Variants in RSPO2 observed in about 807,000 individuals in gnomAD.
RSPO2 encodes the protein R-spondin-2.
A neutral mutation model predicts 30.9 loss-of-function variants in RSPO2; 14 were observed. The ratio of observed to expected loss-of-function variants is 0.45; its 90% confidence interval spans 0.30 to 0.71. The LOEUF (loss-of-function observed/expected upper bound fraction) is 0.71, where lower values mean the gene tolerates loss of function less well. Among genes scored for constraint, RSPO2 ranks in the 30% least tolerant of loss-of-function variants. The pLI, the probability that RSPO2 is intolerant of heterozygous loss-of-function variation, is 0.08. For missense variants in RSPO2, 264 were observed against 301.9 expected (o/e 0.87, Z 0.93); for synonymous variants, 107 against 96.4 (o/e 1.11, Z -0.64).
At chr8:107,956,258 T>C (rs1417793845) in intron 5 of RSPO2, among the ~76,000 whole-genome samples, 1 of 152,190 alleles carries the variant, frequency 6.6e-6, no homozygotes, top group African/African-American at 2.4e-5. Context: ...AAAACCTATT[T>C]AAAGGTTATA....
chr8:108,032,420 A>C (rs973094435), intron 2 of RSPO2, among the ~76,000 whole-genome samples: 6 of 152,220 alleles, frequency 3.9e-5, no homozygotes, highest in Non-Finnish European at 5.9e-5. Flanking sequence ...TAATGTAGTT[A>C]TATAAATGAA....
chr8:107,936,708 T>C (rs1222608142), intron 5 of RSPO2, among the ~76,000 whole-genome samples: 1 of 152,182 alleles, frequency 6.6e-6, no homozygotes, highest in Non-Finnish European at 1.5e-5. Flanking sequence ...GTTTTTAACT[T>C]GTAAATTCAG....
chr8:107,994,036 G>A (rs1814934643), intron 2 of RSPO2, among the ~76,000 whole-genome samples: 1 of 152,060 alleles, frequency 6.6e-6, no homozygotes, highest in African/African-American at 2.4e-5. Context: ...GAGGATATGA[G>A]TTGGGGTCAT....
intron 2 of RSPO2, chr8:107,996,951 C>T (rs539819749): frequency 1.3e-4 from 59 of 453,558 alleles, no homozygotes; most frequent in African/African-American, 1.1e-3. Flanking sequence ...ACCCTACACA[C>T]GAGGAATTCC....
chr8:108,051,156 A>G (rs1230319729), intron 2 of RSPO2, among the ~76,000 whole-genome samples: 1 of 152,202 alleles, frequency 6.6e-6, no homozygotes, highest in Non-Finnish European at 1.5e-5. Flanking sequence ...AAAGAGAAAA[A>G]CTAATTGAAA....
rs192082294 is a variant in RSPO2, at chr8:107,945,083, T to C, written c.616+12997A>G. Among the ~76,000 whole-genome samples, 34 of 151,952 alleles carry C rather than the reference T, an allele frequency of 2.2e-4. No homozygotes were observed. The East Asian group carries it at 5.8e-3, about 26-fold the overall frequency. ...AGGAATTAAATTTCCAAAGGAAAAA[T>C]ATCTTTGTAAATGAATCATCACAAA... On this transcript the variant is annotated intron_variant, in intron 5 of 5. Coordinates refer to ENST00000276659, the MANE Select transcript of RSPO2 (RefSeq NM_178565.5).
intron 5 of RSPO2, among the ~76,000 whole-genome samples, chr8:107,910,079 A>G (rs1319048914): frequency 1.3e-5 from 2 of 152,208 alleles, no homozygotes; most frequent in East Asian, 1.9e-4. Flanking sequence ...AGCTGTTTTC[A>G]TTTGATTAGG....
intron 2 of RSPO2, among the ~76,000 whole-genome samples, chr8:108,061,057 C>T (rs1446027733): frequency 1.3e-5 from 2 of 151,826 alleles, no homozygotes; most frequent in Non-Finnish European, 1.5e-5. Context: ...AAAGGAATAA[C>T]CAGTACCAGC....
chr8:108,049,390 T>C (rs1429208364), intron 2 of RSPO2, among the ~76,000 whole-genome samples: 4 of 152,066 alleles, frequency 2.6e-5, no homozygotes, highest in Admixed American at 2.0e-4. Flanking sequence ...CATGCATCTT[T>C]TTTAAAAAAA....
intron 2 of RSPO2, among the ~76,000 whole-genome samples, chr8:108,067,034 G>A (rs1034763497): frequency 6.6e-6 from 1 of 152,150 alleles, no homozygotes; most frequent in Non-Finnish European, 1.5e-5. Context: ...GGAAGATTGA[G>A]GAACAAGTTA....
intron 3 of RSPO2, among the ~76,000 whole-genome samples, chr8:107,986,418 C>T (rs1428138672): frequency 6.6e-6 from 1 of 152,140 alleles, no homozygotes; most frequent in African/African-American, 2.4e-5. Context: ...TTCTCATATG[C>T]AGATTTTCTT....
chr8:108,003,671 A>G (rs574518116), intron 2 of RSPO2, among the ~76,000 whole-genome samples: 2 of 152,132 alleles, frequency 1.3e-5, no homozygotes, highest in South Asian at 4.1e-4. Flanking sequence ...AATAAGGGTT[A>G]AAAAGAAAAA....
At chr8:107,933,509 AAGTACCACC>A (rs1337911841) in intron 5 of RSPO2, among the ~76,000 whole-genome samples, 14 of 152,162 alleles carry the variant, frequency 9.2e-5, no homozygotes, top group African/African-American at 3.4e-4. Context: ...AAAATGTTTT[AAGTACCACC>A]ACATTAACAA....
chr8:107,903,227 C>G (rs1811534060), intron 5 of RSPO2, among the ~76,000 whole-genome samples: 1 of 151,798 alleles, frequency 6.6e-6, no homozygotes, highest in South Asian at 2.1e-4. Context: ...GATATAAAGC[C>G]TGGAGTTTCT....
At chr8:107,971,738 C>T (rs1212962028) in intron 3 of RSPO2, among the ~76,000 whole-genome samples, 2 of 152,184 alleles carry the variant, frequency 1.3e-5, no homozygotes, top group African/African-American at 2.4e-5. Context: ...ACATTTTTCA[C>T]GTCATTTCCC....
chr8:107,985,216 A>C (rs972656579), intron 3 of RSPO2, among the ~76,000 whole-genome samples: 1 of 152,186 alleles, frequency 6.6e-6, no homozygotes, highest in Admixed American at 6.5e-5. Flanking sequence ...GTGAAGATGT[A>C]AACTGATAAA....
intron 5 of RSPO2, among the ~76,000 whole-genome samples, chr8:107,937,722 C>A (rs1322292060): frequency 6.6e-6 from 1 of 151,950 alleles, no homozygotes; most frequent in East Asian, 1.9e-4. Flanking sequence ...CATCAAGGAA[C>A]TGATCGCAAA....
chr8:107,958,727 G>A (rs1231272518), intron 4 of RSPO2, among the ~76,000 whole-genome samples: 1 of 152,086 alleles, frequency 6.6e-6, no homozygotes, highest in Non-Finnish European at 1.5e-5. Context: ...GACCTAGTGT[G>A]TGTTGTTTCC....
chr8:108,045,206 A>G (rs1470048546), intron 2 of RSPO2, among the ~76,000 whole-genome samples: 2 of 152,166 alleles, frequency 1.3e-5, no homozygotes, highest in Non-Finnish European at 2.9e-5. Context: ...TCTAGAATCT[A>G]TGAGGAACTT....
Sources: allele counts gnomAD v4.1 joint callset (sites outside exome capture counted in the v4.1 genomes callset), GRCh38; gene constraint gnomAD v4.1.1; transcripts MANE v1.5; gene names NCBI Gene and HGNC (gene_info 2026-07-23, HGNC 2026-07-21).